The following FER1L5 variants were observed in gnomAD, a reference collection of about 807,000 sequenced individuals.
FER1L5 encodes the protein fer-1 like family member 5.
FER1L5 carries 187 observed loss-of-function variants against 279.9 expected under a neutral mutation model. The observed-to-expected ratio is 0.67, with a 90% CI of 0.59 to 0.75. The LOEUF is 0.75. FER1L5 is among the 30% of genes least tolerant of loss of function. The pLI is 0.00. For missense variants in FER1L5, 2,091 were observed against 2,594.4 expected (o/e 0.81, Z 4.21); for synonymous variants, 921 against 989.7 (o/e 0.93, Z 1.30).
At chr2:96,654,723 C>A in intron 9 of FER1L5, 1 of 262,604 alleles carries the variant, frequency 3.8e-6, no homozygotes, top group Non-Finnish European at 7.1e-6. Context: ...CACAGTGAAA[C>A]CCTGTCTCTA....
intron 31 of FER1L5, among the ~76,000 whole-genome samples, chr2:96,693,031 C>A (rs942118404): frequency 6.6e-6 from 1 of 152,030 alleles, no homozygotes; most frequent in African/African-American, 2.4e-5. Flanking sequence ...CAAAAATTAG[C>A]CGGGCGTGGT....
intron 30 of FER1L5, 35 bp from the exon 31 acceptor site, chr2:96,692,069 G>C: frequency 6.4e-7 from 1 of 1,551,016 alleles, no homozygotes; most frequent in Non-Finnish European, 8.7e-7. Context: ...CTGGGGTCCT[G>C]GGGCAGGTGA....
rs957447945 is a variant in FER1L5 at position 96,694,872 on chromosome 2, C to G, written c.3741+408C>G. On this transcript the variant is annotated intron_variant, in intron 34 of 52. Transcript: ENST00000624922. The surrounding 1 kb of genome is among the most constrained non-coding windows in gnomAD (Gnocchi z 4.6). ...AGATGCCAGGATGTTGCTCACCTCTCTTCTGAGAGTAGCATGAGGGTCCTC... is the reference window on the plus strand; with the variant it reads ...AGATGCCAGGATGTTGCTCACCTCTGTTCTGAGAGTAGCATGAGGGTCCTC... The G allele has an allele frequency of 1.1e-4, 18 of 160,084 alleles. No homozygotes were observed. The highest frequency in any genetic ancestry group is 2.0e-4 in the Non-Finnish European group (15 of 73,654). The allele number at this position is 160,084 out of a possible 1,614,324, so 9.9% of individuals were successfully genotyped here.
intron 19 of FER1L5, among the ~76,000 whole-genome samples, chr2:96,678,442 TC>T (rs1219807935): frequency 3.3e-5 from 5 of 149,450 alleles, no homozygotes; most frequent in African/African-American, 1.2e-4. Flanking sequence ...ATTTTTATTT[TC>T]TATTCTTTGA....
intron 23 of FER1L5, among the ~76,000 whole-genome samples, chr2:96,686,881 A>C (rs555620009): frequency 8.8e-4 from 130 of 147,476 alleles, no homozygotes; most frequent in African/African-American, 3.0e-3. Flanking sequence ...AAAAAAAAAC[A>C]GAAAACAAAT....
chr2:96,682,657 A>T (rs994391544), intron 19 of FER1L5, among the ~76,000 whole-genome samples: 4 of 152,218 alleles, frequency 2.6e-5, no homozygotes, highest in Non-Finnish European at 5.9e-5. Context: ...TACCTGGGAC[A>T]CTGCCAAGCA....
At chr2:96,651,237 C>CCCTT (rs1553446607) in intron 6 of FER1L5, among the ~76,000 whole-genome samples, 1 of 128,518 alleles carries the variant, frequency 7.8e-6, no homozygotes, top group Non-Finnish European at 1.6e-5. Flanking sequence ...TTCTTTCTTT[C>CCCTT]TCTTTCTTTC....
At chr2:96,654,048 T>C in intron 8 of FER1L5, 1 of 374,010 alleles carries the variant, frequency 2.7e-6, no homozygotes, top group Non-Finnish European at 4.8e-6. Flanking sequence ...CATGTGGTTA[T>C]CAGGTGCCTA....
At position 96,684,262 on chromosome 2, in the gene FER1L5, C is replaced by T; in HGVS notation, c.1670-65C>T. 5 of 1,525,028 alleles carry T rather than the reference C, an allele frequency of 3.3e-6. No individual in the cohort carries two copies. In the South Asian group the frequency reaches 3.7e-5, roughly 11 times the overall value. 94.5% of individuals were successfully genotyped at this position (1,525,028 alleles called of 1,614,324 possible). A position where few individuals can be genotyped will look rare whatever the true frequency, so the allele number is the denominator to read the frequency against. ...TCCAGAGAGGTCCTCGGAGGGAGCA[C>T]AGTGAGAAGAGACCTCCCAGAATCC... On this transcript the variant is annotated intron_variant, in intron 19 of 52. Coordinates refer to ENST00000624922, the MANE Select transcript of FER1L5 (RefSeq NM_001293083.2).
Position 96,702,657 on chromosome 2 carries a change from G to C in FER1L5, c.5313G>C (p.Leu1771=), listed in dbSNP as rs1349935290. ...AGACAGACATCCACTACCACTCGCT[G>C]ACTGGGGAGGCCGACTTCAACTGGC... The part of the protein sequence containing the change: ...MQKTDIHYHS[L]TGEADFNWRF... Residue 1771 remains leucine, a synonymous_variant, in exon 48 of 53, where the codon CTG becomes CTC. Coordinates refer to ENST00000624922, the MANE Select transcript of FER1L5 (RefSeq NM_001293083.2). The surrounding 1 kb of genome is among the most constrained non-coding windows in gnomAD (Gnocchi z 4.0). 1 of 1,608,568 alleles carries C rather than the reference G, an allele frequency of 6.2e-7. No homozygotes were observed.
Position 96,690,608 on chromosome 2 carries a change from G to T in FER1L5, c.2743+19G>T, listed in dbSNP as rs558330622. ...AGTAAGGGTCAGTCGTTTGGTCAGG[G>T]TTGGGATCGGGAGAGACCAGGGCCT... is the stretch of plus-strand genomic sequence containing the variant. On this transcript the variant is annotated intron_variant, in intron 27 of 52. Transcript: ENST00000624922. 3 of 1,548,812 alleles carry T rather than the reference G, an allele frequency of 1.9e-6. No homozygotes were observed. The South Asian group carries it at 3.6e-5, about 18-fold the overall frequency.
At position 96,695,809 on chromosome 2, in the gene FER1L5, G is replaced by A. The variant is rs753014548; in HGVS notation, c.3962G>A (p.Gly1321Asp). Residue 1321 changes from glycine (G) to aspartate (D), a missense_variant, in exon 36 of 53, where the codon GGC (glycine) becomes GAC (aspartate). Physicochemically the swap from Gly to Asp is moderately conservative, Grantham distance 94. Coordinates refer to ENST00000624922, the MANE Select transcript of FER1L5 (RefSeq NM_001293083.2). ...AAGGTGGTAGACAACTGGGCCTTCG[G>A]CCAGCAGACCGTGACGGGCCAGGCC... is the stretch of plus-strand genomic sequence containing the variant. ...VVKVVDNWAF[G>D]QQTVTGQANI... 1 of 1,612,978 alleles carries A rather than the reference G, an allele frequency of 6.2e-7. No individual in the cohort carries two copies. The highest frequency in any genetic ancestry group is 1.1e-5 in the South Asian group (1 of 90,808).
intron 19 of FER1L5, among the ~76,000 whole-genome samples, chr2:96,677,812 C>A (rs1338681197): frequency 1.3e-5 from 2 of 151,154 alleles, no homozygotes; most frequent in East Asian, 3.9e-4. Context: ...TTGCAGTGAG[C>A]TGAGATCACA....
At chr2:96,695,191 C>G (rs2077320082) in intron 34 of FER1L5, 1 of 306,996 alleles carries the variant, frequency 3.3e-6, no homozygotes, top group Non-Finnish European at 6.0e-6. Context: ...ACTGATGAGG[C>G]CAGACAAGGC....
chr2:96,660,899 C>T (rs187498020), intron 10 of FER1L5, among the ~76,000 whole-genome samples: 1 of 152,348 alleles, frequency 6.6e-6, no homozygotes, highest in East Asian at 1.9e-4. Flanking sequence ...AAACTCAGGG[C>T]ATCCCTTTGG....
In FER1L5 at chr2:96,704,284, C is replaced by G. The variant is rs751372844; in HGVS notation, c.5871C>G (p.Arg1957=). 3 of 1,614,036 alleles carry G rather than the reference C, an allele frequency of 1.9e-6. No individual in the cohort carries two copies. The highest frequency in any genetic ancestry group is 1.7e-5 in the Admixed American group (1 of 60,024). The change falls in exon 52 of 53, where the codon CGC becomes CGG. Residue 1957 remains arginine (R), a synonymous_variant. Transcript: ENST00000624922. ...VQNFCYIFWK[R]YRFKLIAFMV... is the part of the protein sequence containing the mutation. Reference sequence around the variant, plus strand: ...ACTTCTGCTATATTTTCTGGAAACGCTATCGCTTCAAACTCATAGCCTTTA... The same window carrying G: ...ACTTCTGCTATATTTTCTGGAAACGGTATCGCTTCAAACTCATAGCCTTTA...
chr2:96,649,628 T>C lies in FER1L5; in HGVS notation c.345T>C (p.Thr115=), dbSNP rs1402888113. 4 of 1,551,282 alleles carry C rather than the reference T, an allele frequency of 2.6e-6. No homozygotes were observed. Among genetic ancestry groups the C allele is most frequent in the Non-Finnish European group, 3.5e-6 (4 of 1,146,946 alleles). ...LNHSMKPTDC[T]VTLQVAHMSN... ...CCCTTGCCTTTGTCTTGCAGTGTAC[T>C]GTCACCCTACAGGTGGCCCACATGA... Residue 115 remains threonine (T), a synonymous_variant, in exon 5 of 53, where the codon ACT becomes ACC. Transcript: ENST00000624922.
At chr2:96,669,234 T>C in intron 17 of FER1L5, 97 bp downstream of exon 17, 1 of 1,217,340 alleles carries the variant, frequency 8.2e-7, no homozygotes. Context: ...CCGGCCCTGG[T>C]TTCTGTCCCT....
Position 96,699,083 on chromosome 2 carries a change from G to C in FER1L5, c.4557G>C (p.Glu1519Asp). The C allele has an allele frequency of 1.2e-6, 2 of 1,612,184 alleles. No homozygotes were observed. The highest frequency in any genetic ancestry group is 1.7e-6 in the Non-Finnish European group (2 of 1,179,220). Reference protein sequence around the residue: ...PYVILKLGKTELGNRDMYQPN... With the variant: ...PYVILKLGKTDLGNRDMYQPN... ...TGATCCTGAAACTGGGCAAGACAGAGCTTGGCAACCGGGACATGTACCAGC... is the reference window on the plus strand; with the variant it reads ...TGATCCTGAAACTGGGCAAGACAGACCTTGGCAACCGGGACATGTACCAGC... Residue 1519 changes from glutamate to aspartate, a missense_variant, in exon 42 of 53, where the codon GAG becomes GAC. Coordinates refer to ENST00000624922, the MANE Select transcript of FER1L5 (RefSeq NM_001293083.2).
Sources: gnomAD v4.1 joint callset for allele counts (sites outside exome capture counted in the v4.1 genomes callset) on GRCh38, gnomAD v4.1.1 for gene constraint, Gnocchi (gnomAD v3.1) non-coding constraint, MANE v1.5 for transcripts, NCBI Gene and HGNC (gene_info 2026-07-23, HGNC 2026-07-21) for gene names.